The following ACVR1B variants were observed in gnomAD, a reference collection of about 807,000 sequenced individuals.
The protein encoded by ACVR1B is activin A receptor type 1B.
ACVR1B carries 15 observed loss-of-function variants against 55.6 expected under a neutral mutation model. That is an observed-to-expected ratio of 0.27 (90% CI 0.18 to 0.42). The LOEUF is 0.42. ACVR1B is among the 10% of genes least tolerant of loss of function. The pLI, the probability that ACVR1B is intolerant of heterozygous loss-of-function variation, is 1.00. For synonymous variants in ACVR1B, 247 were observed against 254.6 expected (o/e 0.97, Z 0.28); for missense variants, 359 against 670.1 (o/e 0.54, Z 5.13).
chr12:51,989,888 G>A (rs944288456), intron 7 of ACVR1B, among the ~76,000 whole-genome samples: 2 of 152,154 alleles, frequency 1.3e-5, no homozygotes, highest in Non-Finnish European at 2.9e-5. Context: ...GGGAGGCTGA[G>A]GAAGGAGAAT....
At chr12:51,966,924 C>CA (rs2120521820) in intron 1 of ACVR1B, among the ~76,000 whole-genome samples, 1 of 151,774 alleles carries the variant, frequency 6.6e-6, no homozygotes, top group South Asian at 2.1e-4. Flanking sequence ...ATATCAATGA[C>CA]AAAAAATTAA....
chr12:51,983,527 G>A (rs1942019669), intron 4 of ACVR1B, among the ~76,000 whole-genome samples: 1 of 152,216 alleles, frequency 6.6e-6, no homozygotes, highest in South Asian at 2.1e-4. Context: ...TTTGGGCTGT[G>A]TTCAGAGGGT....
intron 7 of ACVR1B, chr12:51,987,228 A>C (rs1592260643): frequency 3.1e-6 from 2 of 651,530 alleles, no homozygotes; most frequent in African/African-American, 3.6e-5. Flanking sequence ...CGTGGCGGGG[A>C]GTGCCCCGGT....
chr12:51,996,129 A>C lies in ACVR1B; in HGVS notation c.*2019A>C, dbSNP rs908970957. 1.3e-5 allele frequency: 2 copies of C among 152,478 alleles called. No individual in the cohort carries two copies. The highest frequency in any genetic ancestry group is 4.8e-5 in the African/African-American group (2 of 41,452). 9.4% of individuals were successfully genotyped at this position (152,478 alleles called of 1,614,324 possible). On this transcript the variant is annotated 3_prime_UTR_variant, in exon 9 of 9. Transcript: ENST00000257963. ...GATCACTGAAGAAAGAGGAACCCCC[A>C]CAACCCCCTCCACAAAGAGACCAGG... is the stretch of plus-strand genomic sequence containing the variant.
intron 8 of ACVR1B, among the ~76,000 whole-genome samples, chr12:51,992,871 A>G (rs1942220474): frequency 6.6e-6 from 1 of 152,116 alleles, no homozygotes; most frequent in Admixed American, 6.5e-5. Context: ...TTTGTGACAT[A>G]CGTACTAATA....
intron 2 of ACVR1B, 40 bp from the exon 3 acceptor site, chr12:51,976,287 T>C: frequency 6.2e-7 from 1 of 1,611,266 alleles, no homozygotes; most frequent in Non-Finnish European, 8.5e-7. Flanking sequence ...CCCTTGTTTT[T>C]ACTTCTCATT....
intron 1 of ACVR1B, among the ~76,000 whole-genome samples, chr12:51,955,327 A>G (rs1229792191): frequency 6.6e-5 from 10 of 152,362 alleles, no homozygotes; most frequent in Admixed American, 2.6e-4. Flanking sequence ...CTGCTGTGTT[A>G]TAAATAGGTT....
intron 3 of ACVR1B, among the ~76,000 whole-genome samples, chr12:51,977,303 ATT>A (rs966122891): frequency 1.3e-5 from 2 of 152,050 alleles, no homozygotes; most frequent in African/African-American, 4.8e-5. Flanking sequence ...TTATTTATGT[ATT>A]TATTTATTTA....
intron 1 of ACVR1B, among the ~76,000 whole-genome samples, chr12:51,968,391 T>A (rs899682311): frequency 6.6e-6 from 1 of 152,266 alleles, no homozygotes; most frequent in African/African-American, 2.4e-5. Flanking sequence ...GTAATAAATG[T>A]TATTTTATTC....
intron 1 of ACVR1B, among the ~76,000 whole-genome samples, chr12:51,952,864 C>T (rs1348036408): frequency 3.5e-5 from 5 of 144,900 alleles, no homozygotes; most frequent in African/African-American, 1.0e-4. Flanking sequence ...GTCTGCGGCT[C>T]GCCTTATACC....
intron 7 of ACVR1B, chr12:51,987,656 G>A (rs1343070426): frequency 6.3e-6 from 1 of 157,722 alleles, no homozygotes. Flanking sequence ...AAGAACTGGT[G>A]GTGCTCACTT....
chr12:51,953,180 AG>A (rs1454828780), intron 1 of ACVR1B, among the ~76,000 whole-genome samples: 1 of 152,108 alleles, frequency 6.6e-6, no homozygotes, highest in African/African-American at 2.4e-5. Context: ...CAGCAATGGG[AG>A]ATAAAGTGTG....
chr12:51,961,375 G>A (rs951537392), intron 1 of ACVR1B, among the ~76,000 whole-genome samples: 1 of 147,032 alleles, frequency 6.8e-6, no homozygotes, highest in Admixed American at 6.7e-5. Context: ...TTGCTCTAAT[G>A]TTATTATAAT....
chr12:51,976,302 C>T lies in ACVR1B; in HGVS notation c.332-25C>T, dbSNP rs139425993. ...CCCTTGTTTTTACTTCTCATTCTTT[C>T]CCTCTCCTCTCTCACTTGACTCAGG... On this transcript the variant is annotated intron_variant, in intron 2 of 8. Transcript: ENST00000257963. The T allele has an allele frequency of 2.7e-3, 4,399 of 1,613,038 alleles. 4 individuals are homozygous for T. Among genetic ancestry groups the T allele is most frequent in the Non-Finnish European group, 3.4e-3 (4,047 of 1,179,212 alleles).
chr12:51,984,290 T>A, intron 5 of ACVR1B, 124 bp downstream of exon 5: 1 of 1,158,268 alleles, frequency 8.6e-7, no homozygotes, highest in Non-Finnish European at 1.2e-6. Flanking sequence ...AACTCTAGTT[T>A]AATTTAAAGG....
At chr12:51,954,888 G>A (rs555791854) in intron 1 of ACVR1B, among the ~76,000 whole-genome samples, 1 of 152,320 alleles carries the variant, frequency 6.6e-6, no homozygotes, top group Admixed American at 6.5e-5. Flanking sequence ...ATCTTAAGGA[G>A]CAGAAAAACA....
intron 1 of ACVR1B, among the ~76,000 whole-genome samples, 193 bp from the exon 2 acceptor site, chr12:51,975,072 G>A (rs1300074748): frequency 6.6e-6 from 1 of 152,200 alleles, no homozygotes; most frequent in Non-Finnish European, 1.5e-5. Flanking sequence ...TAATAGTGGA[G>A]CTTCAAAAGC....
At chr12:51,963,996 G>A (rs749370300) in intron 1 of ACVR1B, among the ~76,000 whole-genome samples, 1 of 152,178 alleles carries the variant, frequency 6.6e-6, no homozygotes, top group East Asian at 1.9e-4. Flanking sequence ...TGGATATAAA[G>A]TAGTATCTCA....
In ACVR1B at chr12:51,992,009, C is replaced by T. The variant is rs368192679; in HGVS notation, c.1392+16C>T. On this transcript the variant is annotated intron_variant, in intron 8 of 8. Coordinates refer to ENST00000257963, the MANE Select transcript of ACVR1B (RefSeq NM_004302.5). ...GAGTTATGAGGTAAGAAGCTGGCCT[C>T]CTGCGGCTTTCCCATCAGCCTGATT... 111 of 1,614,106 alleles carry T rather than the reference C, an allele frequency of 6.9e-5. No individual in the cohort carries two copies. Among genetic ancestry groups the T allele is most frequent in the Non-Finnish European group, 8.2e-5 (97 of 1,180,046 alleles).
Sources: allele counts gnomAD v4.1 joint callset (sites outside exome capture counted in the v4.1 genomes callset), GRCh38; gene constraint gnomAD v4.1.1; transcripts MANE v1.5; gene names NCBI Gene and HGNC (gene_info 2026-07-23, HGNC 2026-07-21).